CCDC62: variants seen among roughly 807,000 people sequenced by gnomAD.
The protein encoded by CCDC62 is coiled-coil domain-containing protein 62.
In CCDC62, 72 loss-of-function variants were observed where a neutral mutation model predicts 80.8. The ratio of observed to expected loss-of-function variants is 0.89; its 90% CI spans 0.74 to 1.08. The LOEUF (loss-of-function observed/expected upper bound fraction) is 1.08. Ranked by LOEUF, CCDC62 falls within the 50% of genes least tolerant of loss-of-function variation. The probability of loss-of-function intolerance (pLI) is 0.00; values close to 1 mark genes in which losing one functional copy is unlikely to be tolerated. For synonymous variants in CCDC62, 286 were observed against 296.5 expected, an observed-to-expected ratio of 0.96 and a Z score of 0.36; for missense variants, 704 against 809.4, an observed-to-expected ratio of 0.87 and a Z score of 1.58.
chr12:122,822,226 C>T (rs1381962607), intron 11 of CCDC62, among the ~76,000 whole-genome samples: 4 of 151,590 alleles, frequency 2.6e-5, no homozygotes, highest in African/African-American at 9.7e-5. Context: ...GCCTTTCAGC[C>T]TCCCAAGTCG....
At chr12:122,774,851 AGGCGGAGGCG>A (rs911808307) in intron 1 of CCDC62, 145 bp downstream of exon 1, 9 of 465,812 alleles carry the variant, frequency 1.9e-5, no homozygotes, top group African/African-American at 1.9e-4. Context: ...GCGCTTTGGG[AGGCGGAGGCG>A]GGCGGATCAC....
Position 122,805,164 on chromosome 12 carries a change from C to G in CCDC62, c.1707-987C>G, listed in dbSNP as rs1183733680. Among the ~76,000 whole-genome samples the G allele has an allele frequency of 2.1e-4, 30 of 142,346 alleles. No homozygotes were observed. The Admixed American group carries it at 2.2e-3, about 10-fold the overall frequency. 93.4% of individuals were successfully genotyped at this position (142,346 alleles called of 152,430 possible). ...CCTCCCAAAGTATGGGGATTACAGG[C>G]ATGAGTCACCGCAACTGGCCGGCTT... On this transcript the variant is annotated intron_variant, in intron 9 of 12. Transcript: ENST00000253079.
At chr12:122,788,184 G>A (rs577788089) in intron 4 of CCDC62, among the ~76,000 whole-genome samples, 1 of 152,210 alleles carries the variant, frequency 6.6e-6, no homozygotes, top group South Asian at 2.1e-4. Context: ...ATACTTTTAG[G>A]TGTTGTTTGA....
Position 122,802,410 on chromosome 12 carries a change from C to CTT in CCDC62, c.1706+577_1706+578dup, listed in dbSNP as rs752001572. On this transcript the variant is annotated intron_variant, in intron 9 of 12. Transcript: ENST00000253079. ...AATATAACGAGACCCTATCTCTACA[C>CTT]TTTTTTTTTTTTTTTTTTTTGGAGA... is the stretch of plus-strand genomic sequence containing the variant. 9.4e-4 allele frequency among the ~76,000 whole-genome samples: 119 copies of CTT among 126,842 alleles called. 4 individuals are homozygous for CTT. The highest frequency in any genetic ancestry group is 3.0e-3 in the African/African-American group (101 of 33,504). The allele number at this position is 126,842 out of a possible 152,430, so 83.2% of individuals were successfully genotyped here.
chr12:122,801,938 C>G, intron 9 of CCDC62, 86 bp downstream of exon 9: 1 of 1,375,348 alleles, frequency 7.3e-7, no homozygotes, highest in Admixed American at 2.1e-5. Context: ...CCACGCCATA[C>G]CTACTATTAA....
intron 7 of CCDC62, among the ~76,000 whole-genome samples, chr12:122,797,792 A>G (rs1044517869): frequency 5.9e-5 from 9 of 152,098 alleles, no homozygotes; most frequent in Admixed American, 2.0e-4. Context: ...CGCCCACCTC[A>G]GCCTCCCAAA....
At position 122,777,493 on chromosome 12, in the gene CCDC62, C is replaced by A. The variant is rs865910155; in HGVS notation, c.39C>A (p.Asn13Lys). The change falls in exon 2 of 13, where the codon AAC (asparagine) becomes AAA (lysine). Residue 13 changes from asparagine to lysine, a missense_variant and splice_region_variant. Coordinates refer to ENST00000253079, the MANE Select transcript of CCDC62 (RefSeq NM_201435.5). The stretch of plus-strand genomic sequence containing the variant: ...GTGAAACCGCTTTCTATGTTTAGAA[C>A]ATCGGGTCAGAAGTTGAGATTTCCA... ...PPAAFLAGRQ[N>K]IGSEVEISTI... 1 of 1,606,400 alleles carries A rather than the reference C, an allele frequency of 6.2e-7. No homozygotes were observed. Among genetic ancestry groups the A allele is most frequent in the Non-Finnish European group, 8.5e-7 (1 of 1,175,328 alleles).
chr12:122,814,023 T>A (rs2135583119), intron 11 of CCDC62, among the ~76,000 whole-genome samples: 1 of 151,888 alleles, frequency 6.6e-6, no homozygotes, highest in South Asian at 2.1e-4. Context: ...GGCTCATGCC[T>A]GTAATCCCAG....
intron 10 of CCDC62, among the ~76,000 whole-genome samples, chr12:122,809,802 T>G (rs2031790704): frequency 6.6e-6 from 1 of 152,184 alleles, no homozygotes; most frequent in Non-Finnish European, 1.5e-5. Flanking sequence ...AACAGCATGG[T>G]ACTGGTACCA....
At position 122,806,300 on chromosome 12, in the gene CCDC62, G is replaced by T. The variant is rs572005344; in HGVS notation, c.1851+5G>T. 1.2e-6 allele frequency: 2 copies of T among 1,601,526 alleles called. No homozygotes were observed. Among genetic ancestry groups the T allele is most frequent in the African/African-American group, 2.7e-5 (2 of 74,464 alleles). ...GCACCAGCATTCAATGAAAAGGTTC[G>T]TATTTTGCTTAGACATCCCCAGCTT... is the stretch of plus-strand genomic sequence containing the variant. On this transcript the variant is annotated splice_donor_5th_base_variant and intron_variant, in intron 10 of 12. Transcript: ENST00000253079.
intron 11 of CCDC62, among the ~76,000 whole-genome samples, chr12:122,817,679 C>T (rs551202811): frequency 4.6e-5 from 7 of 152,294 alleles, no homozygotes; most frequent in Admixed American, 3.3e-4. Context: ...TCCTTGTCCT[C>T]GTGGCTTCAG....
chr12:122,778,364 A>C (rs1879614480), intron 2 of CCDC62, among the ~76,000 whole-genome samples: 1 of 151,564 alleles, frequency 6.6e-6, no homozygotes, highest in South Asian at 2.1e-4. Context: ...AAAAAAAAAA[A>C]AAAAAAATTA....
chr12:122,825,563 C>G (rs1204872316), intron 12 of CCDC62, among the ~76,000 whole-genome samples: 4 of 137,400 alleles, frequency 2.9e-5, no homozygotes, highest in African/African-American at 1.1e-4. Context: ...GCCACGTTGG[C>G]CAGGCTGGTC....
rs562569456 is a variant in CCDC62, at chr12:122,792,176, G to A, written c.772+55G>A. ...CCTAGACTTGCAATGATGACAGGCT[G>A]AAGGAATTATACCTCTCCCAAAATG... On this transcript the variant is annotated intron_variant, in intron 6 of 12. Transcript: ENST00000253079. 41 of 998,608 alleles carry A rather than the reference G, an allele frequency of 4.1e-5. 2 individuals carry two copies. In the South Asian group the frequency reaches 5.0e-4, roughly 12 times the overall value. 61.9% of individuals were successfully genotyped at this position (998,608 alleles called of 1,614,324 possible).
chr12:122,818,477 A>G (rs1187566902), intron 11 of CCDC62, among the ~76,000 whole-genome samples: 1 of 149,374 alleles, frequency 6.7e-6, no homozygotes, highest in Non-Finnish European at 1.5e-5. Context: ...AAAAAAAATT[A>G]ACTGGACGTG....
intron 5 of CCDC62, among the ~76,000 whole-genome samples, chr12:122,789,576 G>C (rs2030470737): frequency 6.6e-6 from 1 of 152,128 alleles, no homozygotes; most frequent in Non-Finnish European, 1.5e-5. Flanking sequence ...GGGATTACAG[G>C]CACCTACCAC....
chr12:122,811,936 G>C (rs2031909952), intron 10 of CCDC62, among the ~76,000 whole-genome samples: 2 of 150,520 alleles, frequency 1.3e-5, no homozygotes, highest in Admixed American at 1.3e-4. Context: ...AATTTAATAG[G>C]AATAAACGAA....
chr12:122,821,928 TATATC>T (rs2032418466), intron 11 of CCDC62, among the ~76,000 whole-genome samples: 2 of 151,884 alleles, frequency 1.3e-5, no homozygotes, highest in South Asian at 4.2e-4. Flanking sequence ...AATTTTGAAA[TATATC>T]ATACATTATT....
chr12:122,801,039 C>T (rs1566079465), intron 8 of CCDC62, 85 bp from the exon 9 acceptor site: 1 of 1,389,416 alleles, frequency 7.2e-7, no homozygotes, highest in Non-Finnish European at 9.8e-7. Context: ...TGGGATTTAG[C>T]TCTACTGAGT....
Sources: gnomAD v4.1 joint callset for allele counts (sites outside exome capture counted in the v4.1 genomes callset) on GRCh38, gnomAD v4.1.1 for gene constraint, MANE v1.5 for transcripts, NCBI Gene and HGNC (gene_info 2026-07-23, HGNC 2026-07-21) for gene names.